SLC25A12: variants seen among roughly 807,000 people sequenced by gnomAD.
SLC25A12 encodes solute carrier family 25 member 12.
A neutral mutation model predicts 83.3 loss-of-function variants in SLC25A12; 32 were observed. The observed-to-expected ratio is 0.38, with a 90% CI of 0.29 to 0.52. The LOEUF (loss-of-function observed/expected upper bound fraction) is 0.52, where lower values mean the gene tolerates loss of function less well. Among genes scored for constraint, SLC25A12 ranks in the 20% least tolerant of loss-of-function variants. The pLI is 0.84. For missense variants in SLC25A12, 611 were observed against 835.6 expected, an observed-to-expected ratio of 0.73 and a Z score of 3.31; for synonymous variants, 267 against 291.1, an observed-to-expected ratio of 0.92 and a Z score of 0.84.
chr2:171,865,051 T>C (rs1012872531), intron 3 of SLC25A12, among the ~76,000 whole-genome samples: 3 of 152,296 alleles, frequency 2.0e-5, no homozygotes, highest in Middle Eastern at 3.4e-3. Context: ...TCATAGTACT[T>C]ACAGCTTTCT....
At position 171,877,969 on chromosome 2, in the gene SLC25A12, G is replaced by C. The variant is rs374100799; in HGVS notation, c.67-9146C>G. Among the ~76,000 whole-genome samples the C allele has an allele frequency of 1.1e-4, 17 of 152,164 alleles. No individual in the cohort carries two copies. The East Asian group carries it at 2.7e-3, about 24-fold the overall frequency. Reference sequence around the variant, plus strand: ...CTGGTTACTTTTAAAAAATTATATGGTGTATCAAGATTAAGGATTTTTGAA... The same window carrying C: ...CTGGTTACTTTTAAAAAATTATATGCTGTATCAAGATTAAGGATTTTTGAA... On this transcript the variant is annotated intron_variant, in intron 2 of 17. Coordinates refer to ENST00000422440, the MANE Select transcript of SLC25A12 (RefSeq NM_003705.5).
At chr2:171,833,233 G>T (rs1038210369) in intron 8 of SLC25A12, among the ~76,000 whole-genome samples, 1 of 152,070 alleles carries the variant, frequency 6.6e-6, no homozygotes, top group African/African-American at 2.4e-5. Flanking sequence ...TCCCCAATAG[G>T]TAGGGACTGT....
intron 2 of SLC25A12, among the ~76,000 whole-genome samples, chr2:171,881,641 T>C (rs143321696): frequency 6.6e-6 from 1 of 152,308 alleles, no homozygotes; most frequent in African/African-American, 2.4e-5. Flanking sequence ...TTATACAGAA[T>C]GTTCTATTTT....
chr2:171,834,629 A>C, intron 7 of SLC25A12, 98 bp downstream of exon 7: 1 of 1,344,918 alleles, frequency 7.4e-7, no homozygotes, highest in Non-Finnish European at 1.1e-6. Context: ...TACTTTCTAG[A>C]TCTGGCTTTA....
At chr2:171,836,414 A>G (rs1393645328) in intron 6 of SLC25A12, among the ~76,000 whole-genome samples, 1 of 152,226 alleles carries the variant, frequency 6.6e-6, no homozygotes, top group African/African-American at 2.4e-5. Flanking sequence ...CTATGTGAGG[A>G]AGTGGATGAC....
rs192196726 is a variant in SLC25A12, at chr2:171,790,469, C to G, written c.1585+982G>C. Among the ~76,000 whole-genome samples, 20 of 152,326 alleles carry G rather than the reference C, an allele frequency of 1.3e-4. No individual in the cohort carries two copies. The East Asian group carries it at 3.7e-3, about 28-fold the overall frequency. On this transcript the variant is annotated intron_variant, in intron 15 of 17. Transcript: ENST00000422440. ...TACCTATGAGGTCAGAAGGAAGCAT[C>G]TTAGTACCTCCCTGCTCTTACAAGG...
Position 171,837,182 on chromosome 2 carries a change from T to G in SLC25A12, c.551A>C (p.Asp184Ala), listed in dbSNP as rs1164660591. The change falls in exon 6 of 18, where the codon GAC becomes GCC. Residue 184 changes from aspartate (D) to alanine (A), a missense_variant. By Grantham distance (126) the Asp-to-Ala change is moderately radical. Transcript: ENST00000422440. ...GTGAGATCTAATGGTAACCATGATG[T>G]CACTGAAATCCAGACCAGAAATCAT... ...SGMISGLDFSDIMVTIRSHML... is the reference protein window; with the variant it reads ...SGMISGLDFSAIMVTIRSHML... 1 of 1,614,140 alleles carries G rather than the reference T, an allele frequency of 6.2e-7. No individual in the cohort carries two copies. The highest frequency in any genetic ancestry group is 8.5e-7 in the Non-Finnish European group (1 of 1,180,000).
chr2:171,844,856 G>A lies in SLC25A12; in HGVS notation c.326-348C>T, dbSNP rs535429233. On this transcript the variant is annotated intron_variant, in intron 4 of 17. Coordinates refer to ENST00000422440, the MANE Select transcript of SLC25A12 (RefSeq NM_003705.5). ...AATAGTGTTTTCCCAGTTTCTCAAGGAGTCGAATTAAACCCTTTATCAGAA... is the reference window on the plus strand; with the variant it reads ...AATAGTGTTTTCCCAGTTTCTCAAGAAGTCGAATTAAACCCTTTATCAGAA... Among the ~76,000 whole-genome samples, 10 of 152,100 alleles carry A rather than the reference G, an allele frequency of 6.6e-5. No homozygotes were observed. In the East Asian group the frequency reaches 1.2e-3, roughly 18 times the overall value.
chr2:171,810,629 C>T lies in SLC25A12; in HGVS notation c.1172-353G>A, dbSNP rs1460130944. Among the ~76,000 whole-genome samples the T allele has an allele frequency of 2.4e-4, 37 of 152,206 alleles. 1 individual carries two copies. The highest frequency in any genetic ancestry group is 3.8e-4 in the Non-Finnish European group (26 of 68,022). On this transcript the variant is annotated intron_variant, in intron 11 of 17. Transcript: ENST00000422440. ...TGTAACCAAATTCCCTCCCTTATTA[C>T]AACCAACAACATATAAACATACACA...
At chr2:171,866,408 GC>G (rs1685305134) in intron 3 of SLC25A12, among the ~76,000 whole-genome samples, 1 of 139,570 alleles carries the variant, frequency 7.2e-6, no homozygotes. Context: ...AGTAGGGGCG[GC>G]CGGGCAGAGG....
intron 13 of SLC25A12, among the ~76,000 whole-genome samples, chr2:171,805,161 T>A (rs1372424901): frequency 3.3e-5 from 5 of 151,544 alleles, no homozygotes; most frequent in Admixed American, 2.6e-4. Flanking sequence ...CAAGCTGGAG[T>A]GCAGTGGCAC....
chr2:171,790,377 A>G (rs1369346652), intron 15 of SLC25A12, among the ~76,000 whole-genome samples: 1 of 152,208 alleles, frequency 6.6e-6, no homozygotes, highest in Non-Finnish European at 1.5e-5. Flanking sequence ...GTGTTGGTGC[A>G]GCCAAGGACA....
At chr2:171,834,266 C>G in intron 7 of SLC25A12, 1 of 528,892 alleles carries the variant, frequency 1.9e-6, no homozygotes, top group Non-Finnish European at 3.4e-6. Context: ...GATGATAAAA[C>G]AGCAAAACAG....
chr2:171,838,687 T>C (rs1684610993), intron 5 of SLC25A12, among the ~76,000 whole-genome samples: 1 of 152,192 alleles, frequency 6.6e-6, no homozygotes, highest in Non-Finnish European at 1.5e-5. Context: ...GTAGAATAGA[T>C]TGTCTGTTTT....
chr2:171,789,896 CAAA>C (rs1048907992), intron 15 of SLC25A12, among the ~76,000 whole-genome samples: 1 of 138,046 alleles, frequency 7.2e-6, no homozygotes, highest in Non-Finnish European at 1.6e-5. Context: ...TCTGTCTCAC[CAAA>C]AAAAAAAAAG....
rs141830173 is a variant in SLC25A12 at position 171,856,063 on chromosome 2, G to T, written c.210-114C>A. On this transcript the variant is annotated intron_variant, in intron 3 of 17. Coordinates refer to ENST00000422440, the MANE Select transcript of SLC25A12 (RefSeq NM_003705.5). Reference sequence around the variant, plus strand: ...AGGGTAACCAAATAATTGATAAAGGGTAGTTTGTTTTTATAGAGGTACTTC... The same window carrying T: ...AGGGTAACCAAATAATTGATAAAGGTTAGTTTGTTTTTATAGAGGTACTTC... 761 of 726,652 alleles carry T rather than the reference G, an allele frequency of 1.0e-3. 5 individuals are homozygous for T. In the Middle Eastern group the frequency reaches 0.019, roughly 18 times the overall value. The allele number at this position is 726,652 out of a possible 1,614,324, so 45.0% of individuals were successfully genotyped here.
chr2:171,825,231 A>G (rs1684276847), intron 9 of SLC25A12, among the ~76,000 whole-genome samples: 2 of 152,254 alleles, frequency 1.3e-5, no homozygotes, highest in Admixed American at 1.3e-4. Context: ...GCAAACAGTT[A>G]AAGTATTAAT....
Position 171,783,814 on chromosome 2 carries a change from T to A in SLC25A12, c.*1460A>T, listed in dbSNP as rs746921658. 1.3e-5 allele frequency among the ~76,000 whole-genome samples: 2 copies of A among 152,176 alleles called. No individual in the cohort carries two copies. The highest frequency in any genetic ancestry group is 1.3e-4 in the Admixed American group (2 of 15,272). On this transcript the variant is annotated 3_prime_UTR_variant, in exon 18 of 18. Coordinates refer to ENST00000422440, the MANE Select transcript of SLC25A12 (RefSeq NM_003705.5). ...AAAATAACTTGCTTTCAAAGCTAATTCTTTTGTTCCTGGAGGGCCTCCAGG... is the reference window on the plus strand; with the variant it reads ...AAAATAACTTGCTTTCAAAGCTAATACTTTTGTTCCTGGAGGGCCTCCAGG...
chr2:171,837,302 T>C (rs779488908), intron 5 of SLC25A12, 35 bp from the exon 6 acceptor site: 2 of 1,610,840 alleles, frequency 1.2e-6, no homozygotes. Flanking sequence ...ATTAAGCTGG[T>C]TAAACACATT....
Sources: gnomAD v4.1 joint callset for allele counts (sites outside exome capture counted in the v4.1 genomes callset) on GRCh38, gnomAD v4.1.1 for gene constraint, MANE v1.5 for transcripts, NCBI Gene and HGNC (gene_info 2026-07-23, HGNC 2026-07-21) for gene names.